The following ATG4C variants were observed in gnomAD, a reference collection of about 807,000 sequenced individuals.
ATG4C encodes cysteine protease ATG4C.
ATG4C carries 56 observed loss-of-function variants against 57.6 expected under a neutral mutation model. The ratio of observed to expected loss-of-function variants is 0.97; its 90% CI spans 0.78 to 1.21. The LOEUF (loss-of-function observed/expected upper bound fraction) is 1.21, where lower values mean the gene tolerates loss of function less well. Among genes scored for constraint, ATG4C ranks in the 50% most tolerant of loss-of-function variants. The pLI is 0.00. For missense variants in ATG4C, 595 were observed against 529.8 expected (o/e 1.12, Z -1.21); for synonymous variants, 157 against 174.1 (o/e 0.90, Z 0.78).
chr1:62,802,524 AC>A (rs1268551313), intron 1 of ATG4C, among the ~76,000 whole-genome samples: 12 of 151,916 alleles, frequency 7.9e-5, no homozygotes, highest in African/African-American at 2.7e-4. Flanking sequence ...GATAAGGGAT[AC>A]TCAACCTGTA....
chr1:62,850,905 T>TATATATATATATATAC, intron 10 of ATG4C, among the ~76,000 whole-genome samples: 1 of 45,524 alleles, frequency 2.2e-5, no homozygotes, highest in East Asian at 1.5e-3. Context: ...TATATATACA[T>TATATATATATATATAC]ACACATACAC....
chr1:62,803,682 T>A (rs1309566411), intron 1 of ATG4C, 37 bp from the exon 2 acceptor site: 1 of 646,984 alleles, frequency 1.5e-6, no homozygotes, highest in Non-Finnish European at 2.6e-6. Flanking sequence ...TAACCATATA[T>A]GTAGTAATTA....
chr1:62,811,976 T>G (rs1466459561), intron 3 of ATG4C, among the ~76,000 whole-genome samples: 1 of 152,058 alleles, frequency 6.6e-6, no homozygotes, highest in Non-Finnish European at 1.5e-5. Flanking sequence ...TTGACAACAT[T>G]AAGTGAGGAC....
Position 62,840,903 on chromosome 1 carries a change from C to T in ATG4C, c.1090-525C>T, listed in dbSNP as rs141137166. ...CACTCAAAGAGAAAGTTGAAGAATA[C>T]GCAGTTATGTACTAATTGTGTGAAT... is the stretch of plus-strand genomic sequence containing the variant. On this transcript the variant is annotated intron_variant, in intron 9 of 10. Transcript: ENST00000317868. Among the ~76,000 whole-genome samples, 939 of 152,330 alleles carry T rather than the reference C, an allele frequency of 6.2e-3. 8 individuals carry two copies. Among genetic ancestry groups the T allele is most frequent in the South Asian group, 0.039 (189 of 4,834 alleles).
intron 10 of ATG4C, among the ~76,000 whole-genome samples, chr1:62,845,794 C>T (rs1572163534): frequency 2.6e-5 from 4 of 152,058 alleles, no homozygotes; most frequent in African/African-American, 4.8e-5. Context: ...CTCCACCTCC[C>T]GGGTTCAAGC....
intron 10 of ATG4C, among the ~76,000 whole-genome samples, chr1:62,850,905 TAC>T (rs1178613837): frequency 0.047 from 2,140 of 45,496 alleles, 103 homozygotes; most frequent in African/African-American, 0.14. Context: ...TATATATACA[TAC>T]ACATACACAC....
At chr1:62,827,841 G>C (rs1451508282) in intron 6 of ATG4C, among the ~76,000 whole-genome samples, 1 of 152,080 alleles carries the variant, frequency 6.6e-6, no homozygotes, top group Non-Finnish European at 1.5e-5. Flanking sequence ...CCGAGTGTCT[G>C]TTGTTCCCTT....
chr1:62,804,095 T>TC (rs1158374743), intron 2 of ATG4C, among the ~76,000 whole-genome samples: 5 of 151,584 alleles, frequency 3.3e-5, no homozygotes, highest in Non-Finnish European at 5.9e-5. Flanking sequence ...TTTTCTTTTT[T>TC]TTTTTTTTTG....
intron 6 of ATG4C, among the ~76,000 whole-genome samples, chr1:62,822,215 G>A (rs1328493936): frequency 6.6e-6 from 1 of 152,036 alleles, no homozygotes; most frequent in Non-Finnish European, 1.5e-5. Flanking sequence ...AATGCTTAAG[G>A]TTACACTGAT....
chr1:62,822,180 T>C (rs17123894), intron 6 of ATG4C, among the ~76,000 whole-genome samples: 1,650 of 152,268 alleles, frequency 0.011, 31 homozygotes, highest in African/African-American at 0.038. Flanking sequence ...ACTTCAATCA[T>C]GTTTTAATAC....
At chr1:62,850,815 A>T (rs2100356390) in intron 10 of ATG4C, among the ~76,000 whole-genome samples, 1 of 145,382 alleles carries the variant, frequency 6.9e-6, no homozygotes, top group South Asian at 2.2e-4. Context: ...ATATACGTAT[A>T]TATTCTGCTG....
intron 10 of ATG4C, among the ~76,000 whole-genome samples, chr1:62,861,274 G>C (rs2100369334): frequency 6.6e-6 from 1 of 152,206 alleles, no homozygotes; most frequent in East Asian, 1.9e-4. Flanking sequence ...GGCTGGCCGT[G>C]GTGACTCATG....
At position 62,841,529 on chromosome 1, in the gene ATG4C, T is replaced by G. The variant is rs1177839557; in HGVS notation, c.1191T>G (p.Ala397=). 6.3e-7 allele frequency: 1 copy of G among 1,588,836 alleles called. No homozygotes were observed. Among genetic ancestry groups the G allele is most frequent in the Non-Finnish European group, 8.6e-7 (1 of 1,167,644 alleles). ...GAAATGTTCAGGACTTCAAACGAGC[T>G]TCTGAAGAAATCACCAAGGTATCTT... ...YCRNVQDFKR[A]SEEITKMLKF... Residue 397 remains alanine, a synonymous_variant, in exon 10 of 11, where the codon GCT becomes GCG. Transcript: ENST00000317868.
Position 62,864,021 on chromosome 1 carries a change from T to C in ATG4C, c.1239T>C (p.Tyr413=), listed in dbSNP as rs761475650. 12 of 1,580,882 alleles carry C rather than the reference T, an allele frequency of 7.6e-6. No individual in the cohort carries two copies. Among genetic ancestry groups the C allele is most frequent in the Non-Finnish European group, 1.0e-5 (12 of 1,168,230 alleles). Residue 413 remains tyrosine, a synonymous_variant, in exon 11 of 11, where the codon TAT becomes TAC. Coordinates refer to ENST00000317868, the MANE Select transcript of ATG4C (RefSeq NM_032852.4). ...KMLKFSSKEK[Y]PLFTFVNGHS... Reference sequence around the variant, plus strand: ...TGAAATTTTCTTCTAAGGAGAAATATCCCTTATTTACTTTTGTAAATGGTC... The same window carrying C: ...TGAAATTTTCTTCTAAGGAGAAATACCCCTTATTTACTTTTGTAAATGGTC...
rs891958593 is a variant in ATG4C at position 62,811,736 on chromosome 1, G to A, written c.161-4839G>A. On this transcript the variant is annotated intron_variant, in intron 3 of 10. Transcript: ENST00000317868. ...GGACCAAAATGATTTAACATCTATC[G>A]TTGTGGATTTGTCTGTTTCTTCCTG... Among the ~76,000 whole-genome samples the A allele has an allele frequency of 5.3e-5, 8 of 152,046 alleles. No individual in the cohort carries two copies. In the East Asian group the frequency reaches 5.8e-4, roughly 11 times the overall value.
At chr1:62,859,837 G>A (rs1019466728) in intron 10 of ATG4C, among the ~76,000 whole-genome samples, 2 of 152,080 alleles carry the variant, frequency 1.3e-5, no homozygotes, top group Admixed American at 6.6e-5. Flanking sequence ...TGGGATTACA[G>A]GCGCCCACCA....
chr1:62,839,585 G>T (rs964646972), intron 9 of ATG4C, among the ~76,000 whole-genome samples: 5 of 152,164 alleles, frequency 3.3e-5, no homozygotes, highest in Non-Finnish European at 7.3e-5. Flanking sequence ...ACTTAGAACT[G>T]TGCCATATAC....
intron 6 of ATG4C, among the ~76,000 whole-genome samples, chr1:62,823,486 T>G (rs1665551550): frequency 6.6e-6 from 1 of 152,190 alleles, no homozygotes; most frequent in East Asian, 1.9e-4. Flanking sequence ...GATCAGACCC[T>G]TATCTCTTGT....
intron 6 of ATG4C, among the ~76,000 whole-genome samples, chr1:62,827,510 A>G (rs1190559500): frequency 6.6e-6 from 1 of 152,100 alleles, no homozygotes; most frequent in Non-Finnish European, 1.5e-5. Flanking sequence ...TTTTCAAAGC[A>G]TGCATCACCA....
Sources: allele counts gnomAD v4.1 joint callset (sites outside exome capture counted in the v4.1 genomes callset), GRCh38; gene constraint gnomAD v4.1.1; transcripts MANE v1.5; gene names NCBI Gene and HGNC (gene_info 2026-07-23, HGNC 2026-07-21).